Variants in LRP1B observed in about 807,000 individuals in gnomAD.
The protein encoded by LRP1B is LDL receptor related protein 1B.
Under a neutral mutation model 556.6 loss-of-function variants are expected in LRP1B, and 217 were observed. The ratio of observed to expected loss-of-function variants is 0.39; its 90% CI spans 0.35 to 0.44. LRP1B has a LOEUF of 0.44. LRP1B is among the 20% of genes least tolerant of loss of function. The probability of loss-of-function intolerance (pLI) is 1.00; values close to 1 mark genes in which losing one functional copy is unlikely to be tolerated. For missense variants in LRP1B, 5,053 were observed against 5,620.8 expected, an observed-to-expected ratio of 0.90 and a Z score of 3.23; for synonymous variants, 2,047 against 1,865.8, an observed-to-expected ratio of 1.10 and a Z score of -2.50.
At chr2:141,319,529 A>G (rs1311662380) in intron 3 of LRP1B, among the ~76,000 whole-genome samples, 1 of 152,010 alleles carries the variant, frequency 6.6e-6, no homozygotes, top group Non-Finnish European at 1.5e-5. Flanking sequence ...CACAGCTATA[A>G]TGTCAGACTG....
chr2:140,638,022 G>A (rs994419001), intron 41 of LRP1B, among the ~76,000 whole-genome samples: 2 of 152,212 alleles, frequency 1.3e-5, no homozygotes, highest in African/African-American at 4.8e-5. Flanking sequence ...CATGTAATTA[G>A]AGCATGATAT....
intron 3 of LRP1B, among the ~76,000 whole-genome samples, chr2:141,380,005 A>C (rs911302153): frequency 6.6e-6 from 1 of 152,140 alleles, no homozygotes; most frequent in Non-Finnish European, 1.5e-5. Context: ...AAAACAAAAT[A>C]AACACTTCCA....
At chr2:140,489,746 G>A (rs1688621690) in intron 57 of LRP1B, among the ~76,000 whole-genome samples, 1 of 152,018 alleles carries the variant, frequency 6.6e-6, no homozygotes, top group Non-Finnish European at 1.5e-5. Flanking sequence ...AAATTAGAGA[G>A]CTTTGCAGGG....
chr2:141,426,762 C>T (rs1357810173), intron 3 of LRP1B, among the ~76,000 whole-genome samples: 3 of 151,786 alleles, frequency 2.0e-5, no homozygotes, highest in African/African-American at 7.3e-5. Flanking sequence ...GCTGTATTTC[C>T]CAGTGGATCA....
intron 65 of LRP1B, 112 bp from the exon 66 acceptor site, chr2:140,442,735 T>G: frequency 9.9e-7 from 1 of 1,008,636 alleles, no homozygotes; most frequent in Non-Finnish European, 1.5e-6. Flanking sequence ...GTATTGTCTT[T>G]AAATTAATAG....
At chr2:141,719,034 T>C (rs1558826234) in intron 2 of LRP1B, among the ~76,000 whole-genome samples, 1 of 152,140 alleles carries the variant, frequency 6.6e-6, no homozygotes. Flanking sequence ...AGTGTAATAA[T>C]AAACAGAAAT....
At chr2:140,363,353 A>C (rs780434515) in intron 72 of LRP1B, among the ~76,000 whole-genome samples, 1 of 151,542 alleles carries the variant, frequency 6.6e-6, no homozygotes, top group Non-Finnish European at 1.5e-5. Context: ...CCTGAGAATC[A>C]GTTCATGGCC....
chr2:140,929,942 G>T (rs986815572), intron 20 of LRP1B, among the ~76,000 whole-genome samples: 5 of 151,994 alleles, frequency 3.3e-5, no homozygotes, highest in African/African-American at 4.8e-5. Context: ...AAGTCATGAG[G>T]TTTTATTATC....
chr2:140,581,448 A>G (rs1045728597), intron 43 of LRP1B, among the ~76,000 whole-genome samples: 8 of 152,050 alleles, frequency 5.3e-5, no homozygotes, highest in Non-Finnish European at 1.5e-5. Context: ...CATACCTAAT[A>G]GAGAAGCACA....
intron 1 of LRP1B, among the ~76,000 whole-genome samples, chr2:142,091,262 G>C (rs536698312): frequency 6.6e-6 from 1 of 152,202 alleles, no homozygotes; most frequent in Admixed American, 6.5e-5. Flanking sequence ...TGCAGCTGAA[G>C]TGTTTAAAGA....
intron 1 of LRP1B, among the ~76,000 whole-genome samples, chr2:142,118,289 C>T (rs1231510515): frequency 6.6e-6 from 1 of 152,118 alleles, no homozygotes; most frequent in Non-Finnish European, 1.5e-5. Flanking sequence ...TTTACTAATC[C>T]TCTTTGGCAT....
At chr2:141,886,791 T>C (rs1004454510) in intron 1 of LRP1B, among the ~76,000 whole-genome samples, 2 of 152,190 alleles carry the variant, frequency 1.3e-5, no homozygotes, top group Non-Finnish European at 1.5e-5. Context: ...ATTCCTTCTA[T>C]ACATTCTGCC....
rs188420153 is a variant in LRP1B, at chr2:140,970,013, T to C, written c.2887+12147A>G. On this transcript the variant is annotated intron_variant, in intron 18 of 90. Transcript: ENST00000389484. Reference sequence around the variant, plus strand: ...ATAATTATGTGTCTTGGAGTTGCTCTTCTCAAGGACCATCTTTGGGGCATT... The same window carrying C: ...ATAATTATGTGTCTTGGAGTTGCTCCTCTCAAGGACCATCTTTGGGGCATT... Among the ~76,000 whole-genome samples, 453 of 152,282 alleles carry C rather than the reference T, an allele frequency of 3.0e-3. 2 individuals are homozygous for C. The highest frequency in any genetic ancestry group is 3.4e-3 in the Middle Eastern group (1 of 294).
intron 60 of LRP1B, among the ~76,000 whole-genome samples, chr2:140,463,441 C>T (rs2105331974): frequency 6.6e-6 from 1 of 152,310 alleles, no homozygotes; most frequent in South Asian, 2.1e-4. Flanking sequence ...CAACGAGCAG[C>T]TCTGAAGTGT....
intron 2 of LRP1B, among the ~76,000 whole-genome samples, chr2:141,633,157 A>C (rs1030850299): frequency 2.0e-5 from 3 of 152,132 alleles, no homozygotes; most frequent in African/African-American, 7.2e-5. Context: ...AGCCTCTTGT[A>C]AACACAGAAA....
intron 2 of LRP1B, among the ~76,000 whole-genome samples, chr2:141,641,588 T>C (rs748962917): frequency 2.1e-4 from 32 of 152,160 alleles, no homozygotes; most frequent in Non-Finnish European, 3.8e-4. Flanking sequence ...GCTATAACTC[T>C]AGCAACCAAT....
intron 2 of LRP1B, among the ~76,000 whole-genome samples, chr2:141,503,484 G>A (rs1188127627): frequency 4.6e-5 from 7 of 151,774 alleles, no homozygotes; most frequent in Admixed American, 1.3e-4. Flanking sequence ...TACATTATAC[G>A]TAGCCAAAAT....
intron 1 of LRP1B, among the ~76,000 whole-genome samples, chr2:141,890,573 T>C (rs949424823): frequency 2.0e-5 from 3 of 151,816 alleles, no homozygotes; most frequent in Non-Finnish European, 2.9e-5. Flanking sequence ...AACCATACAA[T>C]TGTCAACTCA....
intron 3 of LRP1B, among the ~76,000 whole-genome samples, chr2:141,463,026 G>A (rs1681945777): frequency 6.6e-6 from 1 of 152,120 alleles, no homozygotes; most frequent in Non-Finnish European, 1.5e-5. Flanking sequence ...TCAGTGCTAA[G>A]GAAATAACAT....
Sources: gnomAD v4.1 joint callset for allele counts (sites outside exome capture counted in the v4.1 genomes callset) on GRCh38, gnomAD v4.1.1 for gene constraint, MANE v1.5 for transcripts, NCBI Gene and HGNC (gene_info 2026-07-23, HGNC 2026-07-21) for gene names.